CA10: variants seen among roughly 807,000 people sequenced by gnomAD.
CA10 encodes carbonic anhydrase-related protein 10.
CA10 carries 14 observed loss-of-function variants against 44.2 expected under a neutral mutation model. The ratio of observed to expected loss-of-function variants is 0.32; its 90% confidence interval spans 0.21 to 0.50. CA10 has a LOEUF of 0.50. CA10 is among the 20% of genes least tolerant of loss of function. The probability of loss-of-function intolerance (pLI) is 0.99; values close to 1 mark genes in which losing one functional copy is unlikely to be tolerated. For missense variants in CA10, 350 were observed against 409.7 expected (o/e 0.85, Z 1.26); for synonymous variants, 159 against 141.6 (o/e 1.12, Z -0.87).
chr17:51,709,821 TG>T (rs1241170769), intron 4 of CA10, among the ~76,000 whole-genome samples: 7 of 152,224 alleles, frequency 4.6e-5, no homozygotes, highest in Admixed American at 4.6e-4. Context: ...GATCTAGAGC[TG>T]GGCCCCACAG....
Position 51,631,508 on chromosome 17 carries a change from A to G in CA10, c.*76T>C. Reference sequence around the variant, plus strand: ...GGGGAAAGAAGGAGAGAGAAGCAAGAAGGGGGACATTCTAGGTTACGTCAA... The same window carrying G: ...GGGGAAAGAAGGAGAGAGAAGCAAGGAGGGGGACATTCTAGGTTACGTCAA... On this transcript the variant is annotated 3_prime_UTR_variant, in exon 9 of 9. Coordinates refer to ENST00000451037, the MANE Select transcript of CA10 (RefSeq NM_020178.5). The G allele has an allele frequency of 7.7e-7, 1 of 1,296,626 alleles. No homozygotes were observed. Among genetic ancestry groups the G allele is most frequent in the Non-Finnish European group, 1.1e-6 (1 of 894,084 alleles). 80.3% of individuals were successfully genotyped at this position (1,296,626 alleles called of 1,614,324 possible). A position where few individuals can be genotyped will look rare whatever the true frequency, so the allele number is the denominator to read the frequency against.
At chr17:51,930,909 G>T in intron 3 of CA10, 81 bp downstream of exon 3, 2 of 1,520,110 alleles carry the variant, frequency 1.3e-6, no homozygotes, top group Admixed American at 3.5e-5. Context: ...TCATCACAGA[G>T]ACTGAAGCCT....
intron 1 of CA10, among the ~76,000 whole-genome samples, chr17:52,131,039 A>G (rs1460527767): frequency 1.3e-5 from 2 of 152,046 alleles, no homozygotes; most frequent in Non-Finnish European, 2.9e-5. Flanking sequence ...TATCTATCCC[A>G]CAATGTATAC....
At chr17:52,103,507 G>T (rs1163273785) in intron 1 of CA10, among the ~76,000 whole-genome samples, 3 of 152,166 alleles carry the variant, frequency 2.0e-5, no homozygotes, top group Non-Finnish European at 4.4e-5. Flanking sequence ...GTCTGGGTAA[G>T]CTCCCTCCTA....
At chr17:51,688,893 G>T (rs771815332) in intron 4 of CA10, among the ~76,000 whole-genome samples, 1 of 152,060 alleles carries the variant, frequency 6.6e-6, no homozygotes, top group Non-Finnish European at 1.5e-5. Flanking sequence ...GCACTTATTT[G>T]GCTGTTATTA....
At chr17:51,795,608 G>C (rs1228963253) in intron 3 of CA10, among the ~76,000 whole-genome samples, 1 of 152,208 alleles carries the variant, frequency 6.6e-6, no homozygotes, top group African/African-American at 2.4e-5. Flanking sequence ...TATATTAACA[G>C]AACAAAGGTG....
chr17:51,651,128 AAAC>A (rs148903248), intron 5 of CA10, among the ~76,000 whole-genome samples: 2,751 of 152,262 alleles, frequency 0.018, 89 homozygotes, highest in African/African-American at 0.063. Flanking sequence ...CTCTAGGACT[AAAC>A]TACCAGGATG....
chr17:52,103,795 C>T (rs557977621), intron 1 of CA10, among the ~76,000 whole-genome samples: 1 of 152,318 alleles, frequency 6.6e-6, no homozygotes, highest in African/African-American at 2.4e-5. Flanking sequence ...CCAAGTTTCT[C>T]CTTACCGCAA....
chr17:51,861,401 G>A (rs202137), intron 3 of CA10, among the ~76,000 whole-genome samples: 151,512 of 152,114 alleles, frequency 1, 75,458 homozygotes, highest in Middle Eastern at 1. Context: ...GAGAGAGAGA[G>A]AAAAAAGATG....
chr17:52,023,515 T>A (rs930256140), intron 2 of CA10, among the ~76,000 whole-genome samples: 3 of 152,106 alleles, frequency 2.0e-5, no homozygotes. Context: ...ATAAAAATCC[T>A]AGAAGAAAAC....
chr17:52,064,017 C>T (rs1430470642), intron 2 of CA10, among the ~76,000 whole-genome samples: 1 of 152,122 alleles, frequency 6.6e-6, no homozygotes, highest in Non-Finnish European at 1.5e-5. Flanking sequence ...AATAAAAAGG[C>T]ATGTTATACT....
chr17:51,681,771 A>G (rs1914856300), intron 4 of CA10, among the ~76,000 whole-genome samples: 1 of 152,174 alleles, frequency 6.6e-6, no homozygotes, highest in Non-Finnish European at 1.5e-5. Context: ...TTTTAGTGTA[A>G]CCATCACCCA....
intron 5 of CA10, among the ~76,000 whole-genome samples, chr17:51,649,579 A>C (rs1202056946): frequency 6.6e-6 from 1 of 152,230 alleles, no homozygotes; most frequent in Non-Finnish European, 1.5e-5. Flanking sequence ...AGAAGTTAAC[A>C]AAGCGTTCTG....
chr17:52,006,493 T>C, intron 2 of CA10, among the ~76,000 whole-genome samples: 1 of 151,902 alleles, frequency 6.6e-6, no homozygotes, highest in Non-Finnish European at 1.5e-5. Flanking sequence ...TAGTGGAAGA[T>C]CAATTTTCAT....
At chr17:52,049,807 G>A (rs1459511547) in intron 2 of CA10, among the ~76,000 whole-genome samples, 2 of 152,088 alleles carry the variant, frequency 1.3e-5, no homozygotes, top group African/African-American at 2.4e-5. Flanking sequence ...GCATATAGAT[G>A]TTTCAGTCAG....
intron 2 of CA10, among the ~76,000 whole-genome samples, chr17:51,954,203 A>G (rs1983583771): frequency 6.6e-6 from 1 of 152,212 alleles, no homozygotes; most frequent in South Asian, 2.1e-4. Context: ...CCAGTTTGAC[A>G]AAGCTTGTAT....
intron 1 of CA10, among the ~76,000 whole-genome samples, chr17:52,126,451 G>A (rs1042241326): frequency 1.3e-5 from 2 of 152,196 alleles, no homozygotes; most frequent in African/African-American, 2.4e-5. Context: ...CTGGCTGACA[G>A]CCTCGGTCTT....
At chr17:51,693,833 C>T (rs930105723) in intron 4 of CA10, among the ~76,000 whole-genome samples, 3 of 152,058 alleles carry the variant, frequency 2.0e-5, no homozygotes, top group Non-Finnish European at 4.4e-5. Context: ...TTTGGTAGAA[C>T]AATTTATTTT....
intron 2 of CA10, among the ~76,000 whole-genome samples, chr17:51,995,865 C>A (rs1985217296): frequency 6.6e-6 from 1 of 152,040 alleles, no homozygotes; most frequent in African/African-American, 2.4e-5. Context: ...TCTTCTTCCC[C>A]AAGGAGCTGT....
Sources: allele counts gnomAD v4.1 joint callset (sites outside exome capture counted in the v4.1 genomes callset), GRCh38; gene constraint gnomAD v4.1.1; transcripts MANE v1.5; gene names NCBI Gene and HGNC (gene_info 2026-07-23, HGNC 2026-07-21).